Variants in RAB3C observed in about 807,000 individuals in gnomAD.
RAB3C encodes RAB3C, member RAS oncogene family, also known as ras-related protein Rab-3C.
A neutral mutation model predicts 26.4 loss-of-function variants in RAB3C; 17 were observed. The ratio of observed to expected loss-of-function variants is 0.64; its 90% CI spans 0.44 to 0.97. The LOEUF (loss-of-function observed/expected upper bound fraction) is 0.97. RAB3C is among the 50% of genes least tolerant of loss of function. The pLI is 0.00. For missense variants in RAB3C, 242 were observed against 281.9 expected, an observed-to-expected ratio of 0.86 and a Z score of 1.01; for synonymous variants, 91 against 95.9, an observed-to-expected ratio of 0.95 and a Z score of 0.30.
At chr5:58,655,039 A>G (rs530300242) in intron 2 of RAB3C, among the ~76,000 whole-genome samples, 19 of 152,342 alleles carry the variant, frequency 1.2e-4, no homozygotes, top group African/African-American at 4.6e-4. Flanking sequence ...TAGATATTAT[A>G]CAGAAAATAA....
At chr5:58,659,073 A>G (rs984536506) in intron 2 of RAB3C, among the ~76,000 whole-genome samples, 1 of 152,180 alleles carries the variant, frequency 6.6e-6, no homozygotes. Flanking sequence ...TAGGTTTTGA[A>G]AATCATGGCT....
Position 58,851,237 on chromosome 5 carries a change from C to T in RAB3C, c.570C>T (p.Ile190=), listed in dbSNP as rs573891550. ...AGACATTTGAGCGCCTTGTGGATAT[C>T]ATCTGCGACAAAATGTCAGAGAGTT... ...VKQTFERLVD[I]ICDKMSESLE... is the part of the protein sequence containing the mutation. Residue 190 remains isoleucine (I), a synonymous_variant, in exon 5 of 5, where the codon ATC becomes ATT. Coordinates refer to ENST00000282878, the MANE Select transcript of RAB3C (RefSeq NM_138453.4). 1.9e-6 allele frequency: 3 copies of T among 1,613,982 alleles called. No homozygotes were observed. The African/African-American group carries it at 4.0e-5, about 22-fold the overall frequency.
chr5:58,750,591 A>G (rs1301921026), intron 3 of RAB3C, among the ~76,000 whole-genome samples: 1 of 152,218 alleles, frequency 6.6e-6, no homozygotes, highest in Non-Finnish European at 1.5e-5. Flanking sequence ...AGGTTTTGAA[A>G]TAGAAGAAAA....
At chr5:58,729,219 A>C (rs752036112) in intron 3 of RAB3C, among the ~76,000 whole-genome samples, 5 of 152,024 alleles carry the variant, frequency 3.3e-5, no homozygotes, top group Non-Finnish European at 7.4e-5. Context: ...AATACAATAC[A>C]ATATATGCAC....
chr5:58,807,849 T>TA (rs1489904390), intron 3 of RAB3C, among the ~76,000 whole-genome samples: 2 of 151,580 alleles, frequency 1.3e-5, no homozygotes, highest in East Asian at 3.9e-4. Context: ...TAAGAAGAAA[T>TA]ATAGTAAATG....
chr5:58,774,658 C>G (rs1742090016), intron 3 of RAB3C, among the ~76,000 whole-genome samples: 1 of 151,936 alleles, frequency 6.6e-6, no homozygotes, highest in African/African-American at 2.4e-5. Context: ...GCAGAGTCTA[C>G]TAGGGAGGGA....
At chr5:58,829,560 G>A (rs573571155) in intron 4 of RAB3C, among the ~76,000 whole-genome samples, 30 of 152,282 alleles carry the variant, frequency 2.0e-4, no homozygotes, top group African/African-American at 7.2e-4. Context: ...TGTAGTCAGA[G>A]AACCAAAGAC....
At chr5:58,673,135 A>C (rs564755998) in intron 2 of RAB3C, among the ~76,000 whole-genome samples, 1 of 152,318 alleles carries the variant, frequency 6.6e-6, no homozygotes. Flanking sequence ...TCTAGGCATT[A>C]GGCAAGGTGC....
chr5:58,734,940 C>T, intron 3 of RAB3C, among the ~76,000 whole-genome samples: 1 of 152,192 alleles, frequency 6.6e-6, no homozygotes, highest in East Asian at 1.9e-4. Context: ...ATTTTGCCAA[C>T]TAATTGATAC....
At chr5:58,709,555 T>C (rs146265167) in intron 2 of RAB3C, among the ~76,000 whole-genome samples, 7 of 152,376 alleles carry the variant, frequency 4.6e-5, no homozygotes, top group African/African-American at 1.7e-4. Flanking sequence ...TTTCCCATGC[T>C]GTATGCTCTA....
intron 2 of RAB3C, among the ~76,000 whole-genome samples, chr5:58,637,837 A>G (rs1269746733): frequency 6.6e-6 from 1 of 152,134 alleles, no homozygotes; most frequent in African/African-American, 2.4e-5. Flanking sequence ...CCCTATATAT[A>G]TGTTCCATAT....
At chr5:58,668,872 G>C (rs148467998) in intron 2 of RAB3C, among the ~76,000 whole-genome samples, 7 of 152,018 alleles carry the variant, frequency 4.6e-5, no homozygotes, top group African/African-American at 1.2e-4. Flanking sequence ...GGTGGCTTAC[G>C]CAACAGACAT....
At chr5:58,691,565 G>A (rs1383695827) in intron 2 of RAB3C, among the ~76,000 whole-genome samples, 1 of 150,570 alleles carries the variant, frequency 6.6e-6, no homozygotes, top group Middle Eastern at 3.2e-3. Context: ...TAATTACCAG[G>A]CATAATAGAC....
chr5:58,630,353 T>G lies in RAB3C; in HGVS notation c.252+12483T>G, dbSNP rs560633621. On this transcript the variant is annotated intron_variant, in intron 2 of 4. Transcript: ENST00000282878. ...AAACTATTGAGGTCATCAATGACCT[T>G]GTTTTTATGTGGGTTATATCTACTG... Among the ~76,000 whole-genome samples the G allele has an allele frequency of 7.9e-5, 12 of 152,360 alleles. No homozygotes were observed. The East Asian group carries it at 2.3e-3, about 29-fold the overall frequency.
intron 3 of RAB3C, among the ~76,000 whole-genome samples, chr5:58,785,349 A>T (rs73757979): frequency 6.6e-6 from 1 of 152,324 alleles, no homozygotes; most frequent in African/African-American, 2.4e-5. Context: ...AATGTGCAGG[A>T]CAGATTGGCA....
intron 1 of RAB3C, among the ~76,000 whole-genome samples, chr5:58,593,242 C>T (rs1561258549): frequency 6.6e-6 from 1 of 152,082 alleles, no homozygotes; most frequent in Non-Finnish European, 1.5e-5. Flanking sequence ...TCCTTTTAGG[C>T]TCAGTAGTGG....
At chr5:58,713,516 C>G (rs1749105989) in intron 2 of RAB3C, among the ~76,000 whole-genome samples, 1 of 152,106 alleles carries the variant, frequency 6.6e-6, no homozygotes, top group African/African-American at 2.4e-5. Context: ...AGAATCAGGG[C>G]AAGAACTGCA....
At chr5:58,717,012 A>C (rs1749185763) in intron 2 of RAB3C, among the ~76,000 whole-genome samples, 1 of 151,984 alleles carries the variant, frequency 6.6e-6, no homozygotes, top group Non-Finnish European at 1.5e-5. Context: ...TGACAAATGC[A>C]CCACTCGGGT....
chr5:58,828,562 C>T (rs1199161356), intron 4 of RAB3C, among the ~76,000 whole-genome samples: 3 of 152,236 alleles, frequency 2.0e-5, no homozygotes, highest in Non-Finnish European at 4.4e-5. Context: ...CAAATCATGT[C>T]CCAGGCCTGA....
Sources: gnomAD v4.1 joint callset for allele counts (sites outside exome capture counted in the v4.1 genomes callset) on GRCh38, gnomAD v4.1.1 for gene constraint, MANE v1.5 for transcripts, NCBI Gene and HGNC (gene_info 2026-07-23, HGNC 2026-07-21) for gene names.